The following UBE2E1 variants were observed in gnomAD, a reference collection of about 807,000 sequenced individuals.
The protein encoded by UBE2E1 is ubiquitin-conjugating enzyme E2 E1.
A neutral mutation model predicts 21.4 loss-of-function variants in UBE2E1; 6 were observed. The observed-to-expected ratio is 0.28, with a 90% CI of 0.15 to 0.55. The LOEUF (loss-of-function observed/expected upper bound fraction) is 0.55. UBE2E1 is among the 20% of genes least tolerant of loss of function. The pLI is 0.93. For missense variants in UBE2E1, 142 were observed against 236.5 expected (o/e 0.60, Z 2.62); for synonymous variants, 87 against 82.7 (o/e 1.05, Z -0.28).
intron 3 of UBE2E1, among the ~76,000 whole-genome samples, chr3:23,866,788 C>G (rs1353497213): frequency 1.3e-5 from 2 of 152,132 alleles, no homozygotes; most frequent in Non-Finnish European, 2.9e-5. Flanking sequence ...TTAAATAACA[C>G]CTTTTGGCAG....
chr3:23,840,316 C>T (rs1700058313), intron 3 of UBE2E1, among the ~76,000 whole-genome samples: 1 of 152,178 alleles, frequency 6.6e-6, no homozygotes, highest in South Asian at 2.1e-4. Flanking sequence ...TATTTTCAAG[C>T]CCCTGCACAT....
intron 3 of UBE2E1, among the ~76,000 whole-genome samples, chr3:23,877,182 C>G (rs1375996418): frequency 6.6e-6 from 1 of 152,106 alleles, no homozygotes; most frequent in Admixed American, 6.6e-5. Context: ...GGGATGGATG[C>G]CGATGTTGCT....
chr3:23,808,390 G>A lies in UBE2E1; in HGVS notation c.152+969G>A, dbSNP rs1699321165. On this transcript the variant is annotated intron_variant, in intron 2 of 5. Coordinates refer to ENST00000306627, the MANE Select transcript of UBE2E1 (RefSeq NM_003341.5). The surrounding 1 kb of genome is among the most constrained non-coding windows in gnomAD (Gnocchi z 4.9). Reference sequence around the variant, plus strand: ...ATAAATCCTTCTGCTCTCAGAGTTAGGCAGTTGTTAAAAAGGTGGCAAACC... The same window carrying A: ...ATAAATCCTTCTGCTCTCAGAGTTAAGCAGTTGTTAAAAAGGTGGCAAACC... Among the ~76,000 whole-genome samples the A allele has an allele frequency of 1.3e-5, 2 of 152,154 alleles. No homozygotes were observed. The highest frequency in any genetic ancestry group is 2.4e-5 in the African/African-American group (1 of 41,424).
intron 3 of UBE2E1, among the ~76,000 whole-genome samples, chr3:23,849,204 A>G (rs1289692232): frequency 7.9e-5 from 12 of 152,120 alleles, no homozygotes; most frequent in Admixed American, 7.9e-4. Flanking sequence ...TGTTTTCCTA[A>G]GTGCATTGTT....
chr3:23,807,436 T>C lies in UBE2E1; in HGVS notation c.152+15T>C. On this transcript the variant is annotated intron_variant, in intron 2 of 5. Coordinates refer to ENST00000306627, the MANE Select transcript of UBE2E1 (RefSeq NM_003341.5). ...AGCGCCAAGAGGTACTGTGCTCTTT[T>C]TTTTTTCCACAGGCTTCCTATTTCC... 6.3e-7 allele frequency: 1 copy of C among 1,592,622 alleles called. No homozygotes were observed. The highest frequency in any genetic ancestry group is 8.5e-7 in the Non-Finnish European group (1 of 1,173,632).
chr3:23,810,718 G>A lies in UBE2E1; in HGVS notation c.153-742G>A. ...GCGCCGGGAGAGGAGAGCTGGGGCGGCGCGGAGCAGCCCCCGTGCGGGCAC... is the reference window on the plus strand; with the variant it reads ...GCGCCGGGAGAGGAGAGCTGGGGCGACGCGGAGCAGCCCCCGTGCGGGCAC... On this transcript the variant is annotated intron_variant, in intron 2 of 5. Transcript: ENST00000306627. This position sits in a 1 kb window ranked among gnomAD's most constrained non-coding sequence, Gnocchi z 5.8. 1 of 482,858 alleles carries A rather than the reference G, an allele frequency of 2.1e-6. No homozygotes were observed. The highest frequency in any genetic ancestry group is 3.6e-6 in the Non-Finnish European group (1 of 281,368). The allele number at this position is 482,858 out of a possible 1,614,324, so 29.9% of individuals were successfully genotyped here.
intron 3 of UBE2E1, among the ~76,000 whole-genome samples, chr3:23,817,438 AG>A (rs66821502): frequency 0.081 from 4,424 of 54,374 alleles, 159 homozygotes; most frequent in South Asian, 0.14. Flanking sequence ...AAAAAAAAAA[AG>A]AAAGAAAAGA....
chr3:23,822,750 G>A (rs927677304), intron 3 of UBE2E1, among the ~76,000 whole-genome samples: 16 of 152,208 alleles, frequency 1.1e-4, no homozygotes, highest in Admixed American at 3.9e-4. Flanking sequence ...GAATGCACTA[G>A]AATGAGTTGG....
chr3:23,872,329 T>C (rs1213194656), intron 3 of UBE2E1, among the ~76,000 whole-genome samples: 2 of 148,860 alleles, frequency 1.3e-5, no homozygotes, highest in South Asian at 2.1e-4. Flanking sequence ...AGCAGTACAG[T>C]CCAGCTTCGG....
chr3:23,872,324 T>C (rs955517092), intron 3 of UBE2E1, among the ~76,000 whole-genome samples: 4 of 148,940 alleles, frequency 2.7e-5, no homozygotes, highest in Non-Finnish European at 1.5e-5. Context: ...ATGGCAGCAG[T>C]ACAGTCCAGC....
Position 23,824,252 on chromosome 3 carries a change from A to G in UBE2E1, c.203+12742A>G, listed in dbSNP as rs1419019273. On this transcript the variant is annotated intron_variant, in intron 3 of 5. Coordinates refer to ENST00000306627, the MANE Select transcript of UBE2E1 (RefSeq NM_003341.5). ...ATCTTGGAGCCCAGACTTATTTGTT[A>G]TGGAGATTTGGAGCTAGGAGGGACC... Among the ~76,000 whole-genome samples the G allele has an allele frequency of 2.0e-5, 3 of 152,312 alleles. No individual in the cohort carries two copies. In the East Asian group the frequency reaches 5.8e-4, roughly 29 times the overall value.
In UBE2E1 at chr3:23,807,361, A is replaced by G. The variant is rs1215244625; in HGVS notation, c.92A>G (p.Lys31Arg). ...GAGAAAGAAACAAACACCCCCAAGA[A>G]GAAGGAGAGTAAAGTCAGCATGAGC... ...QTEKETNTPK[K>R]KESKVSMSKN... is the part of the protein sequence containing the mutation. The change falls in exon 2 of 6, where the codon AAG becomes AGG. Residue 31 changes from lysine to arginine, a missense_variant. Physicochemically the swap from Lys to Arg is conservative, Grantham distance 26. Coordinates refer to ENST00000306627, the MANE Select transcript of UBE2E1 (RefSeq NM_003341.5). 2 of 1,613,966 alleles carry G rather than the reference A, an allele frequency of 1.2e-6. No homozygotes were observed. The highest frequency in any genetic ancestry group is 1.7e-5 in the Admixed American group (1 of 59,990).
chr3:23,843,782 C>T (rs1700140246), intron 3 of UBE2E1, among the ~76,000 whole-genome samples: 1 of 152,166 alleles, frequency 6.6e-6, no homozygotes, highest in South Asian at 2.1e-4. Context: ...TTCTTGACTG[C>T]CTTCTGGAGT....
chr3:23,842,283 G>A lies in UBE2E1; in HGVS notation c.203+30773G>A, dbSNP rs1200792487. ...GTTGTTGGCGACAGGGTCTCAATTC[G>A]TCGCCTAGGCTGGGATGCAGTGGTG... On this transcript the variant is annotated intron_variant, in intron 3 of 5. Transcript: ENST00000306627. The surrounding 1 kb of genome is among the most constrained non-coding windows in gnomAD (Gnocchi z 4.6). Among the ~76,000 whole-genome samples the A allele has an allele frequency of 7.1e-6, 1 of 141,428 alleles. No individual in the cohort carries two copies. Among genetic ancestry groups the A allele is most frequent in the African/African-American group, 2.6e-5 (1 of 38,282 alleles). The allele number at this position is 141,428 out of a possible 152,430, so 92.8% of individuals were successfully genotyped here.
chr3:23,886,715 G>T lies in UBE2E1; in HGVS notation c.204-852G>T, dbSNP rs188860301. 3.9e-5 allele frequency among the ~76,000 whole-genome samples: 6 copies of T among 152,298 alleles called. No individual in the cohort carries two copies. In the East Asian group the frequency reaches 1.2e-3, roughly 29 times the overall value. On this transcript the variant is annotated intron_variant, in intron 3 of 5. Coordinates refer to ENST00000306627, the MANE Select transcript of UBE2E1 (RefSeq NM_003341.5). ...CCAGTTAGCAGAGGGCATCTTGAAG[G>T]AGTTTGTCTTGTTCAGCATCAAAAC... is the stretch of plus-strand genomic sequence containing the variant.
At chr3:23,883,782 G>A (rs548178921) in intron 3 of UBE2E1, among the ~76,000 whole-genome samples, 10 of 152,060 alleles carry the variant, frequency 6.6e-5, no homozygotes, top group South Asian at 4.2e-4. Flanking sequence ...TGGGCATGGC[G>A]GCGCACACCT....
chr3:23,808,203 C>G lies in UBE2E1; in HGVS notation c.152+782C>G, dbSNP rs1699317364. ...GGCCCTGAAGGTAGCTACTTTTTAT[C>G]CCTGCCATCCTAAGCGGTCACCCTT... On this transcript the variant is annotated intron_variant, in intron 2 of 5. Transcript: ENST00000306627. This position sits in a 1 kb window ranked among gnomAD's most constrained non-coding sequence, Gnocchi z 4.9. Among the ~76,000 whole-genome samples, 1 of 152,034 alleles carries G rather than the reference C, an allele frequency of 6.6e-6. No individual in the cohort carries two copies. Among genetic ancestry groups the G allele is most frequent in the African/African-American group, 2.4e-5 (1 of 41,376 alleles).
intron 3 of UBE2E1, among the ~76,000 whole-genome samples, chr3:23,881,477 A>G (rs1334466945): frequency 3.3e-5 from 5 of 152,220 alleles, no homozygotes; most frequent in Non-Finnish European, 5.9e-5. Flanking sequence ...AATCACAGTT[A>G]AATTTCAATG....
At chr3:23,855,921 T>A (rs1700425103) in intron 3 of UBE2E1, among the ~76,000 whole-genome samples, 2 of 152,178 alleles carry the variant, frequency 1.3e-5, no homozygotes, top group African/African-American at 4.8e-5. Context: ...TTCAGTTCCG[T>A]GAGGTGTGGT....
Sources: gnomAD v4.1 joint callset for allele counts (sites outside exome capture counted in the v4.1 genomes callset) on GRCh38, gnomAD v4.1.1 for gene constraint, Gnocchi (gnomAD v3.1) non-coding constraint, MANE v1.5 for transcripts, NCBI Gene and HGNC (gene_info 2026-07-23, HGNC 2026-07-21) for gene names.